CACNA2D1: variants seen among roughly 807,000 people sequenced by gnomAD.
The protein encoded by CACNA2D1 is voltage-dependent calcium channel subunit alpha-2/delta-1.
In CACNA2D1, 53 loss-of-function variants were observed where a neutral mutation model predicts 171.5. The ratio of observed to expected loss-of-function variants is 0.31; its 90% CI spans 0.25 to 0.39. The LOEUF is 0.39. Ranked by LOEUF, CACNA2D1 falls within the 10% of genes least tolerant of loss-of-function variation. The pLI, the probability that CACNA2D1 is intolerant of heterozygous loss-of-function variation, is 1.00. For missense variants in CACNA2D1, 903 were observed against 1,299.8 expected (o/e 0.69, Z 4.69); for synonymous variants, 442 against 443.1 (o/e 1.00, Z 0.03).
chr7:82,374,990 C>A (rs80322429), intron 1 of CACNA2D1, among the ~76,000 whole-genome samples: 22,095 of 152,062 alleles, frequency 0.15, 1,785 homozygotes, highest in South Asian at 0.27. Context: ...AAAACAGATT[C>A]CAGTTTTCTA....
At chr7:82,235,248 T>G (rs1166185720) in intron 3 of CACNA2D1, among the ~76,000 whole-genome samples, 1 of 152,042 alleles carries the variant, frequency 6.6e-6, no homozygotes, top group African/African-American at 2.4e-5. Flanking sequence ...CAAAATAAAC[T>G]CCTCTCTGCA....
At chr7:81,957,731 T>G (rs1039551268) in intron 38 of CACNA2D1, among the ~76,000 whole-genome samples, 2 of 152,062 alleles carry the variant, frequency 1.3e-5, no homozygotes, top group African/African-American at 4.8e-5. Context: ...CACAAGATAT[T>G]ATTAGCACAC....
intron 3 of CACNA2D1, among the ~76,000 whole-genome samples, chr7:82,238,396 T>C (rs1485342822): frequency 6.6e-6 from 1 of 151,910 alleles, no homozygotes; most frequent in African/African-American, 2.4e-5. Context: ...ACATTAAAAA[T>C]GGTCCTATTA....
chr7:82,380,855 C>A (rs919132142), intron 1 of CACNA2D1, among the ~76,000 whole-genome samples: 1 of 151,882 alleles, frequency 6.6e-6, no homozygotes, highest in African/African-American at 2.4e-5. Flanking sequence ...CCACCACACC[C>A]GGCTAATTTT....
At chr7:82,110,821 T>G (rs541875073) in intron 6 of CACNA2D1, among the ~76,000 whole-genome samples, 1 of 152,320 alleles carries the variant, frequency 6.6e-6, no homozygotes, top group East Asian at 1.9e-4. Flanking sequence ...TTATAAAATT[T>G]CACTCTTCTC....
chr7:82,301,292 A>C (rs1812968556), intron 3 of CACNA2D1, among the ~76,000 whole-genome samples: 1 of 151,980 alleles, frequency 6.6e-6, no homozygotes, highest in African/African-American at 2.4e-5. Context: ...ACACCCGGTT[A>C]ATTTTGTATT....
intron 7 of CACNA2D1, among the ~76,000 whole-genome samples, chr7:82,068,158 C>T (rs1207006763): frequency 1.3e-5 from 2 of 152,166 alleles, no homozygotes; most frequent in Admixed American, 6.5e-5. Context: ...TCAGCTCCTA[C>T]AGTGTTGCAG....
At chr7:82,045,386 C>A (rs992989658) in intron 10 of CACNA2D1, among the ~76,000 whole-genome samples, 6 of 152,012 alleles carry the variant, frequency 3.9e-5, no homozygotes, top group African/African-American at 1.4e-4. Context: ...TGAGCCTATT[C>A]CTTTACTATT....
At chr7:82,061,549 C>T (rs1482751924) in intron 9 of CACNA2D1, among the ~76,000 whole-genome samples, 1 of 152,154 alleles carries the variant, frequency 6.6e-6, no homozygotes, top group Non-Finnish European at 1.5e-5. Context: ...CCAATCCTTT[C>T]ATTTTGGCAT....
At chr7:82,234,537 T>G (rs183435672) in intron 3 of CACNA2D1, among the ~76,000 whole-genome samples, 34 of 152,158 alleles carry the variant, frequency 2.2e-4, no homozygotes, top group Middle Eastern at 3.4e-3. Context: ...TCTGTAACAA[T>G]TTTATGATTT....
chr7:82,355,468 A>G (rs1820313501), intron 1 of CACNA2D1, among the ~76,000 whole-genome samples: 1 of 151,348 alleles, frequency 6.6e-6, no homozygotes, highest in East Asian at 1.9e-4. Flanking sequence ...TTATAAAGAC[A>G]GGACTTAAAC....
chr7:82,148,282 T>C (rs1272216898), intron 4 of CACNA2D1, among the ~76,000 whole-genome samples: 1 of 146,010 alleles, frequency 6.8e-6, no homozygotes, highest in East Asian at 2.0e-4. Flanking sequence ...TGATTTTACA[T>C]ATAAGACAAA....
At chr7:82,394,803 A>G (rs2129451092) in intron 1 of CACNA2D1, among the ~76,000 whole-genome samples, 1 of 152,310 alleles carries the variant, frequency 6.6e-6, no homozygotes, top group East Asian at 1.9e-4. Flanking sequence ...GTTCAAGGCA[A>G]CTTCAAACTT....
intron 38 of CACNA2D1, among the ~76,000 whole-genome samples, chr7:81,950,931 A>G (rs1315818946): frequency 1.3e-5 from 2 of 152,098 alleles, no homozygotes; most frequent in African/African-American, 2.4e-5. Flanking sequence ...GGGGACTGGT[A>G]AAATAAATAC....
At chr7:82,142,930 C>T (rs377625337) in intron 4 of CACNA2D1, among the ~76,000 whole-genome samples, 2 of 152,144 alleles carry the variant, frequency 1.3e-5, no homozygotes, top group African/African-American at 4.8e-5. Flanking sequence ...TTAGCAACCA[C>T]TGCTATTTTG....
rs1799784942 is a variant in CACNA2D1 at position 82,011,612 on chromosome 7, G to T, written c.1362+542C>A. Among the ~76,000 whole-genome samples the T allele has an allele frequency of 2.0e-5, 3 of 152,144 alleles. No homozygotes were observed. The South Asian group carries it at 6.2e-4, about 31-fold the overall frequency. On this transcript the variant is annotated intron_variant, in intron 15 of 38. Transcript: ENST00000356860. The stretch of plus-strand genomic sequence containing the variant: ...GTATTTCCATAAAAAGTATGAGGTT[G>T]AATCTAGCACAAAAGATTATATTAA...
intron 3 of CACNA2D1, among the ~76,000 whole-genome samples, chr7:82,191,351 G>T (rs755456060): frequency 2.0e-5 from 3 of 151,588 alleles, no homozygotes; most frequent in African/African-American, 4.8e-5. Flanking sequence ...TTTCAAAAGC[G>T]ATTAGTTTAA....
At chr7:82,317,949 T>C (rs1057483468) in intron 3 of CACNA2D1, among the ~76,000 whole-genome samples, 1 of 151,638 alleles carries the variant, frequency 6.6e-6, no homozygotes, top group Non-Finnish European at 1.5e-5. Flanking sequence ...TCAACTCAGC[T>C]GACCTCCATG....
chr7:82,211,428 C>T (rs1800538864), intron 3 of CACNA2D1, among the ~76,000 whole-genome samples: 1 of 152,062 alleles, frequency 6.6e-6, no homozygotes, highest in Admixed American at 6.5e-5. Context: ...ACACAATGTT[C>T]AGCTCCCACT....
Sources: allele counts gnomAD v4.1 joint callset (sites outside exome capture counted in the v4.1 genomes callset), GRCh38; gene constraint gnomAD v4.1.1; transcripts MANE v1.5; gene names NCBI Gene and HGNC (gene_info 2026-07-23, HGNC 2026-07-21).